The following RAB20 variants were observed in gnomAD, a reference collection of about 807,000 sequenced individuals.
The protein encoded by RAB20 is ras-related protein Rab-20.
RAB20 carries 2 observed loss-of-function variants against 3.7 expected under a neutral mutation model. The observed-to-expected ratio is 0.54, with a 90% CI of 0.22 to 1.69. RAB20 has a LOEUF of 1.69. Ranked by LOEUF, RAB20 falls within the 40% of genes most tolerant of loss-of-function variation. The probability of loss-of-function intolerance (pLI) is 0.19; values close to 1 mark genes in which losing one functional copy is unlikely to be tolerated. For synonymous variants in RAB20, 126 were observed against 130.8 expected (o/e 0.96, Z 0.25); for missense variants, 276 against 311.9 (o/e 0.88, Z 0.87).
chr13:110,538,989 A>T (rs1443404105), intron 1 of RAB20, among the ~76,000 whole-genome samples: 2 of 152,198 alleles, frequency 1.3e-5, no homozygotes, highest in Non-Finnish European at 2.9e-5. Flanking sequence ...GTTGACAACA[A>T]CCCTACCCCT....
Position 110,523,533 on chromosome 13 carries a change from A to C in RAB20, c.*132T>G. On this transcript the variant is annotated 3_prime_UTR_variant, in exon 2 of 2. Coordinates refer to ENST00000267328, the MANE Select transcript of RAB20 (RefSeq NM_017817.3). ...CTCTTCATAGCCAGCCATCATTTCC[A>C]CTCCAACATTCTGCTGCGGGTGTCA... The C allele has an allele frequency of 2.8e-6, 4 of 1,445,280 alleles. No individual in the cohort carries two copies. The highest frequency in any genetic ancestry group is 4.5e-4 in the Middle Eastern group (2 of 4,422). The allele number at this position is 1,445,280 out of a possible 1,614,324, so 89.5% of individuals were successfully genotyped here. A position where few individuals can be genotyped will look rare whatever the true frequency, so the allele number is the denominator to read the frequency against.
At position 110,523,824 on chromosome 13, in the gene RAB20, G is replaced by A; in HGVS notation, c.546C>T (p.Thr182=). 1.2e-6 allele frequency: 2 copies of A among 1,614,178 alleles called. No homozygotes were observed. The highest frequency in any genetic ancestry group is 1.7e-6 in the Non-Finnish European group (2 of 1,180,030). ...VPAAEQMCFE[T]SAKTGYNVDL... ...CCACATTGTAGCCGGTCTTGGCGCT[G>A]GTCTCAAAGCACATTTGCTCAGCGG... Residue 182 remains threonine, a synonymous_variant, in exon 2 of 2, where the codon ACC becomes ACT. Coordinates refer to ENST00000267328, the MANE Select transcript of RAB20 (RefSeq NM_017817.3).
intron 1 of RAB20, among the ~76,000 whole-genome samples, chr13:110,546,888 C>A (rs143698702): frequency 3.3e-5 from 5 of 152,030 alleles, no homozygotes; most frequent in Non-Finnish European, 5.9e-5. Context: ...CAGGTGTGCA[C>A]CACCATGCCT....
chr13:110,538,597 C>CAAAAAAAAAAAAAAAAAAAA (rs67409356), intron 1 of RAB20, among the ~76,000 whole-genome samples: 1 of 70,680 alleles, frequency 1.4e-5, no homozygotes, highest in African/African-American at 6.1e-5. Flanking sequence ...GATCTTCTCT[C>CAAAAAAAAAAAAAAAAAAAA]AAAAAAAAAA....
At chr13:110,529,990 T>TG (rs1884503086) in intron 1 of RAB20, among the ~76,000 whole-genome samples, 1 of 152,228 alleles carries the variant, frequency 6.6e-6, no homozygotes, top group Non-Finnish European at 1.5e-5. Context: ...CTCCAATGTC[T>TG]GATCAGCCAC....
rs533755293 is a variant in RAB20, at chr13:110,546,941, T to C, written c.172+14407A>G. On this transcript the variant is annotated intron_variant, in intron 1 of 1. Transcript: ENST00000267328. Reference sequence around the variant, plus strand: ...TCTTAGTAGAGACAGGGTCTCGCTATGTTGCCTTGGCTGGTACCTATCTTC... The same window carrying C: ...TCTTAGTAGAGACAGGGTCTCGCTACGTTGCCTTGGCTGGTACCTATCTTC... 3.3e-5 allele frequency among the ~76,000 whole-genome samples: 5 copies of C among 152,256 alleles called. No individual in the cohort carries two copies. The South Asian group carries it at 6.2e-4, about 19-fold the overall frequency.
intron 1 of RAB20, among the ~76,000 whole-genome samples, chr13:110,551,790 T>C (rs1040851891): frequency 2.6e-5 from 4 of 151,748 alleles, no homozygotes; most frequent in Non-Finnish European, 5.9e-5. Context: ...TCTGGCATCA[T>C]AAATTTTCAG....
intron 1 of RAB20, among the ~76,000 whole-genome samples, chr13:110,527,900 T>TAAACACACAC (rs1398743171): frequency 2.7e-4 from 38 of 138,216 alleles, no homozygotes; most frequent in African/African-American, 1.0e-3. Flanking sequence ...TCTCTACAAA[T>TAAACACACAC]ACACACACAC....
At chr13:110,536,185 T>C (rs1172160892) in intron 1 of RAB20, among the ~76,000 whole-genome samples, 1 of 152,114 alleles carries the variant, frequency 6.6e-6, no homozygotes, top group Non-Finnish European at 1.5e-5. Context: ...CCAGCACCAG[T>C]CAGGAGCTGG....
At chr13:110,529,968 C>G (rs1351312052) in intron 1 of RAB20, among the ~76,000 whole-genome samples, 1 of 152,234 alleles carries the variant, frequency 6.6e-6, no homozygotes, top group Non-Finnish European at 1.5e-5. Context: ...AAACCTGAAT[C>G]TGTAAGAACG....
At position 110,555,687 on chromosome 13, in the gene RAB20, C is replaced by T. The variant is rs1270476447; in HGVS notation, c.172+5661G>A. ...AGCCTGTGCCTTCTGCGGGTGAAAC[C>T]AGTCATCAGCCGGCCCCCTGCTCGA... On this transcript the variant is annotated intron_variant, in intron 1 of 1. Coordinates refer to ENST00000267328, the MANE Select transcript of RAB20 (RefSeq NM_017817.3). This position sits in a 1 kb window ranked among gnomAD's most constrained non-coding sequence, Gnocchi z 4.0. Among the ~76,000 whole-genome samples, 1 of 152,224 alleles carries T rather than the reference C, an allele frequency of 6.6e-6. No individual in the cohort carries two copies. Among genetic ancestry groups the T allele is most frequent in the Non-Finnish European group, 1.5e-5 (1 of 68,034 alleles).
intron 1 of RAB20, among the ~76,000 whole-genome samples, chr13:110,538,585 G>A (rs1196175869): frequency 2.5e-5 from 3 of 120,586 alleles, no homozygotes; most frequent in Non-Finnish European, 3.3e-5. Flanking sequence ...CAGCCTGGGT[G>A]AGATCTTCTC....
intron 1 of RAB20, among the ~76,000 whole-genome samples, chr13:110,547,896 C>T (rs1029779038): frequency 6.6e-6 from 1 of 152,116 alleles, no homozygotes; most frequent in African/African-American, 2.4e-5. Flanking sequence ...GCAAATAGGC[C>T]GTCCCATTTA....
At chr13:110,527,173 CCACA>C in intron 1 of RAB20, among the ~76,000 whole-genome samples, 1 of 152,230 alleles carries the variant, frequency 6.6e-6, no homozygotes, top group Non-Finnish European at 1.5e-5. Flanking sequence ...TCTGAAATGG[CCACA>C]CATTCTGATG....
chr13:110,558,171 G>A (rs765152417), intron 1 of RAB20, among the ~76,000 whole-genome samples: 3 of 152,190 alleles, frequency 2.0e-5, no homozygotes, highest in Non-Finnish European at 4.4e-5. Flanking sequence ...ACAGCAGTAC[G>A]TCTTCTAGGG....
intron 1 of RAB20, among the ~76,000 whole-genome samples, chr13:110,524,627 C>T (rs886246970): frequency 6.6e-6 from 1 of 152,238 alleles, no homozygotes; most frequent in African/African-American, 2.4e-5. Flanking sequence ...ACTCCGGAAG[C>T]AAAGTGTGCC....
intron 1 of RAB20, among the ~76,000 whole-genome samples, chr13:110,560,812 G>C (rs879811171): frequency 6.6e-6 from 1 of 151,934 alleles, no homozygotes; most frequent in African/African-American, 2.4e-5. Flanking sequence ...AGATCAAGCA[G>C]AAGATTAACT....
chr13:110,523,626 C>T lies in RAB20; in HGVS notation c.*39G>A. ...CACAGCTTGCCTGGTCAGACCCCTT[C>T]CCAACATGCACAGTCTGAGTCCAGG... On this transcript the variant is annotated 3_prime_UTR_variant, in exon 2 of 2. Coordinates refer to ENST00000267328, the MANE Select transcript of RAB20 (RefSeq NM_017817.3). The T allele has an allele frequency of 6.3e-7, 1 of 1,595,750 alleles. No homozygotes were observed. Among genetic ancestry groups the T allele is most frequent in the Non-Finnish European group, 8.6e-7 (1 of 1,168,260 alleles).
rs76906978 is a variant in RAB20, at chr13:110,525,806, G to A, written c.173-1609C>T. Among the ~76,000 whole-genome samples, 536 of 152,360 alleles carry A rather than the reference G, an allele frequency of 3.5e-3. 4 individuals carry two copies. Among genetic ancestry groups the A allele is most frequent in the African/African-American group, 0.012 (515 of 41,582 alleles). On this transcript the variant is annotated intron_variant, in intron 1 of 1. Transcript: ENST00000267328. ...GGGGACGAGCTCTCAGGAAGCAGCT[G>A]TGGGAGAGGCAGCAGCATGCACCTT...
Sources: allele counts gnomAD v4.1 joint callset (sites outside exome capture counted in the v4.1 genomes callset), GRCh38; gene constraint gnomAD v4.1.1; non-coding constraint Gnocchi (gnomAD v3.1); transcripts MANE v1.5; gene names NCBI Gene and HGNC (gene_info 2026-07-23, HGNC 2026-07-21).